HMGCS2: variants seen among roughly 807,000 people sequenced by gnomAD.
The protein encoded by HMGCS2 is 3-hydroxy-3-methylglutaryl-CoA synthase 2.
HMGCS2 carries 50 observed loss-of-function variants against 57.4 expected under a neutral mutation model. The observed-to-expected ratio is 0.87, with a 90% CI of 0.69 to 1.10. The LOEUF is 1.10. Ranked by LOEUF, HMGCS2 falls within the 50% of genes least tolerant of loss-of-function variation. The probability of loss-of-function intolerance (pLI) is 0.00; values close to 1 mark genes in which losing one functional copy is unlikely to be tolerated. For missense variants in HMGCS2, 627 were observed against 636.5 expected (o/e 0.99, Z 0.16); for synonymous variants, 254 against 245.1 (o/e 1.04, Z -0.34).
intron 2 of HMGCS2, among the ~76,000 whole-genome samples, chr1:119,761,664 C>T (rs1042605771): frequency 6.6e-6 from 1 of 151,972 alleles, no homozygotes; most frequent in African/African-American, 2.4e-5. Context: ...ACTCGGGAGG[C>T]TGAGACAGAA....
At chr1:119,757,913 AC>A in intron 4 of HMGCS2, among the ~76,000 whole-genome samples, 1 of 152,248 alleles carries the variant, frequency 6.6e-6, no homozygotes, top group East Asian at 1.9e-4. Flanking sequence ...AGCATCTGTC[AC>A]CTTACATATG....
chr1:119,764,301 C>A lies in HMGCS2; in HGVS notation c.430G>T (p.Val144Leu), dbSNP rs775528207. 1.4e-5 allele frequency: 22 copies of A among 1,614,106 alleles called. No homozygotes were observed. In the South Asian group the frequency reaches 2.4e-4, roughly 18 times the overall value. Residue 144 changes from valine to leucine, a missense_variant, in exon 2 of 10, where the codon GTG becomes TTG. Val to Leu is a conservative substitution (Grantham distance 32, BLOSUM62 1). Transcript: ENST00000369406. ...GAATCCTGGAAGAGTTCCATGAGCA[C>A]TGTTTTGACAGCTTTGGACTTGTCA... is the stretch of plus-strand genomic sequence containing the variant. Reference protein sequence around the residue: ...IIDKSKAVKTVLMELFQDSGN... With the variant: ...IIDKSKAVKTLLMELFQDSGN...
At chr1:119,759,732 C>T (rs1348236506) in intron 3 of HMGCS2, 132 bp downstream of exon 3, 2 of 1,135,162 alleles carry the variant, frequency 1.8e-6, no homozygotes, top group African/African-American at 1.5e-5. Flanking sequence ...TAGACCAGCC[C>T]TTTTTAGAGG....
Position 119,759,147 on chromosome 1 carries a change from C to A in HMGCS2, c.821G>T (p.Arg274Leu), listed in dbSNP as rs370058829. ...CTTCCACTGATTCTGGATTTTTTTA[C>A]GGTATGATGTGTAACATCGATCCAA... ...RALDRCYTSY[R>L]KKIQNQWKQA... The change falls in exon 4 of 10, where the codon CGT (arginine) becomes CTT (leucine). Residue 274 changes from arginine (R) to leucine (L), a missense_variant. Arg to Leu is a moderately radical substitution (Grantham distance 102). Transcript: ENST00000369406. 2 of 1,614,118 alleles carry A rather than the reference C, an allele frequency of 1.2e-6. No homozygotes were observed. Among genetic ancestry groups the A allele is most frequent in the African/African-American group, 1.3e-5 (1 of 75,024 alleles).
At position 119,758,353 on chromosome 1, in the gene HMGCS2, C is replaced by G. The variant is rs1362414027; in HGVS notation, c.850+765G>C. On this transcript the variant is annotated intron_variant, in intron 4 of 9. Transcript: ENST00000369406. Reference sequence around the variant, plus strand: ...TCTCAAGCAATTTCCCCCATCTCAGCCTTCTGAGTAGCTGGGACTACAGGC... The same window carrying G: ...TCTCAAGCAATTTCCCCCATCTCAGGCTTCTGAGTAGCTGGGACTACAGGC... Among the ~76,000 whole-genome samples the G allele has an allele frequency of 2.0e-5, 3 of 152,338 alleles. No homozygotes were observed. In the East Asian group the frequency reaches 5.8e-4, roughly 29 times the overall value.
intron 6 of HMGCS2, among the ~76,000 whole-genome samples, chr1:119,754,523 T>A (rs1571032626): frequency 6.6e-6 from 1 of 152,258 alleles, no homozygotes; most frequent in East Asian, 1.9e-4. Context: ...GATGCAGTAC[T>A]TCCTTATAAA....
intron 1 of HMGCS2, 35 bp from the exon 2 acceptor site, chr1:119,764,661 G>A (rs1195126364): frequency 6.9e-7 from 1 of 1,457,878 alleles, no homozygotes; most frequent in Non-Finnish European, 9.6e-7. Context: ...TCCCACTAAT[G>A]GTCTGTAGAC....
chr1:119,766,082 T>A (rs376958600), intron 1 of HMGCS2, among the ~76,000 whole-genome samples: 23 of 152,326 alleles, frequency 1.5e-4, no homozygotes, highest in African/African-American at 5.3e-4. Context: ...TCTGGACCAA[T>A]TCACTTCTCT....
chr1:119,763,226 G>A (rs754309871), intron 2 of HMGCS2, among the ~76,000 whole-genome samples: 2 of 152,112 alleles, frequency 1.3e-5, no homozygotes, highest in Non-Finnish European at 2.9e-5. Flanking sequence ...TTTTTCTAAA[G>A]CAAAAGATAT....
At chr1:119,763,561 C>A (rs1030880972) in intron 2 of HMGCS2, among the ~76,000 whole-genome samples, 7 of 152,292 alleles carry the variant, frequency 4.6e-5, no homozygotes, top group Middle Eastern at 3.4e-3. Context: ...TCCCTTGAAT[C>A]ATTTCTTGCT....
At chr1:119,754,286 A>G (rs1286766462) in intron 6 of HMGCS2, among the ~76,000 whole-genome samples, 1 of 151,956 alleles carries the variant, frequency 6.6e-6, no homozygotes, top group Non-Finnish European at 1.5e-5. Flanking sequence ...CAAACTCCTG[A>G]CCTCAGGTGA....
chr1:119,764,093 G>A lies in HMGCS2; in HGVS notation c.559+79C>T, dbSNP rs374744773. The A allele has an allele frequency of 3.2e-6, 4 of 1,258,180 alleles. No individual in the cohort carries two copies. The East Asian group carries it at 9.4e-5, about 30-fold the overall frequency. The allele number at this position is 1,258,180 out of a possible 1,614,324, so 77.9% of individuals were successfully genotyped here. ...TCCTTCACTAGATGAAGCCACCTGG[G>A]GAACTGAAAAGCAAAACTGGTAATA... On this transcript the variant is annotated intron_variant, in intron 2 of 9. Coordinates refer to ENST00000369406, the MANE Select transcript of HMGCS2 (RefSeq NM_005518.4).
chr1:119,766,389 T>C (rs587705558), intron 1 of HMGCS2, among the ~76,000 whole-genome samples: 1 of 152,308 alleles, frequency 6.6e-6, no homozygotes, highest in African/African-American at 2.4e-5. Context: ...GGAACTCAGA[T>C]TGAATGTGTC....
chr1:119,761,767 AAAAT>A (rs1016177287), intron 2 of HMGCS2, among the ~76,000 whole-genome samples: 2 of 152,164 alleles, frequency 1.3e-5, no homozygotes, highest in Non-Finnish European at 2.9e-5. Context: ...TCTGTCTAAA[AAAAT>A]AAATAAATAA....
rs1273833199 is a variant in HMGCS2, at chr1:119,764,159, T to A, written c.559+13A>T. 13 of 1,611,298 alleles carry A rather than the reference T, an allele frequency of 8.1e-6. No individual in the cohort carries two copies. The Admixed American group carries it at 1.5e-4, about 19-fold the overall frequency. On this transcript the variant is annotated intron_variant, in intron 2 of 9. Coordinates refer to ENST00000369406, the MANE Select transcript of HMGCS2 (RefSeq NM_005518.4). ...CAGCACCTTTCTTACATAAGGTTCG[T>A]GGCCGTACATACCATCCCAGGAACT...
At chr1:119,759,459 C>A in intron 3 of HMGCS2, 177 bp from the exon 4 acceptor site, 1 of 682,964 alleles carries the variant, frequency 1.5e-6, no homozygotes, top group Non-Finnish European at 2.6e-6. Context: ...GTTGGTATTA[C>A]AAAAATGAGA....
At chr1:119,761,113 T>C (rs1032905340) in intron 2 of HMGCS2, among the ~76,000 whole-genome samples, 1 of 148,102 alleles carries the variant, frequency 6.8e-6, no homozygotes, top group African/African-American at 2.4e-5. Flanking sequence ...AAATAATTTA[T>C]ATAAATATAT....
At chr1:119,751,353 T>G (rs1652655616) in intron 8 of HMGCS2, among the ~76,000 whole-genome samples, 1 of 151,280 alleles carries the variant, frequency 6.6e-6, no homozygotes, top group Non-Finnish European at 1.5e-5. Flanking sequence ...GAGGTCCTAT[T>G]TTTCTTTTCT....
Position 119,764,547 on chromosome 1 carries a change from A to T in HMGCS2, c.184T>A (p.Tyr62Asn). 1.9e-6 allele frequency: 3 copies of T among 1,614,182 alleles called. No homozygotes were observed. Among genetic ancestry groups the T allele is most frequent in the Non-Finnish European group, 2.5e-6 (3 of 1,180,040 alleles). Residue 62 changes from tyrosine to asparagine, a missense_variant, in exon 2 of 10, where the codon TAC becomes AAC. Tyr to Asn is a moderately radical substitution (Grantham distance 143). Coordinates refer to ENST00000369406, the MANE Select transcript of HMGCS2 (RefSeq NM_005518.4). ...KDVGILALEV[Y>N]FPAQYVDQTD... is the part of the protein sequence containing the mutation. ...TGGTCCACATATTGGGCTGGGAAGT[A>T]GACCTCCAGGGCCAGGATGCCCACG...
Sources: allele counts gnomAD v4.1 joint callset (sites outside exome capture counted in the v4.1 genomes callset), GRCh38; gene constraint gnomAD v4.1.1; transcripts MANE v1.5; gene names NCBI Gene and HGNC (gene_info 2026-07-23, HGNC 2026-07-21).